Variants in CNTNAP2 observed in about 807,000 individuals in gnomAD.
The protein encoded by CNTNAP2 is contactin-associated protein-like 2.
A neutral mutation model predicts 155.2 loss-of-function variants in CNTNAP2; 98 were observed. The ratio of observed to expected loss-of-function variants is 0.63; its 90% CI spans 0.54 to 0.75. CNTNAP2 has a LOEUF of 0.75. CNTNAP2 is among the 30% of genes least tolerant of loss of function. The pLI is 0.00. For synonymous variants in CNTNAP2, 651 were observed against 631.2 expected, an observed-to-expected ratio of 1.03 and a Z score of -0.47; for missense variants, 1,727 against 1,688.1, an observed-to-expected ratio of 1.02 and a Z score of -0.40.
intron 13 of CNTNAP2, among the ~76,000 whole-genome samples, chr7:147,641,774 A>G (rs1050051649): frequency 2.0e-5 from 3 of 152,040 alleles, no homozygotes; most frequent in African/African-American, 7.2e-5. Context: ...GAGAGCCCTC[A>G]CCAGAAACAG....
rs898168237 is a variant in CNTNAP2, at chr7:146,269,203, G to T, written c.97+152230G>T. ...AAAATACAAAAAATTGGCCAGGCAC[G>T]GTGGCACGCGCCTGTGGTCCCAGGC... On this transcript the variant is annotated intron_variant, in intron 1 of 23. Transcript: ENST00000361727. Among the ~76,000 whole-genome samples, 4 of 152,134 alleles carry T rather than the reference G, an allele frequency of 2.6e-5. No individual in the cohort carries two copies. In the East Asian group the frequency reaches 7.7e-4, roughly 29 times the overall value.
At chr7:147,206,603 C>G (rs1228209671) in intron 8 of CNTNAP2, among the ~76,000 whole-genome samples, 11 of 151,944 alleles carry the variant, frequency 7.2e-5, no homozygotes, top group Non-Finnish European at 4.4e-5. Context: ...TTTTAAACAC[C>G]TACATTACAC....
intron 13 of CNTNAP2, among the ~76,000 whole-genome samples, chr7:147,820,705 G>A (rs2116621161): frequency 6.6e-6 from 1 of 152,122 alleles, no homozygotes; most frequent in African/African-American, 2.4e-5. Flanking sequence ...GTGAGGCAAG[G>A]ATCAATTTAT....
At chr7:147,461,072 C>G (rs1563213106) in intron 10 of CNTNAP2, among the ~76,000 whole-genome samples, 1 of 152,076 alleles carries the variant, frequency 6.6e-6, no homozygotes, top group Non-Finnish European at 1.5e-5. Flanking sequence ...TAAAGACTCT[C>G]AATTGCTTTT....
chr7:147,852,325 G>C (rs193048648), intron 13 of CNTNAP2, among the ~76,000 whole-genome samples: 2 of 152,128 alleles, frequency 1.3e-5, no homozygotes, highest in African/African-American at 4.8e-5. Flanking sequence ...TACAGAGGAG[G>C]TATGAATGAA....
At chr7:147,354,655 T>C (rs1470031614) in intron 9 of CNTNAP2, among the ~76,000 whole-genome samples, 3 of 152,158 alleles carry the variant, frequency 2.0e-5, no homozygotes, top group Non-Finnish European at 4.4e-5. Context: ...TAAAGTAGTT[T>C]TTTCTAATTC....
At chr7:146,625,335 G>T (rs1342444383) in intron 1 of CNTNAP2, among the ~76,000 whole-genome samples, 1 of 149,492 alleles carries the variant, frequency 6.7e-6, no homozygotes, top group African/African-American at 2.5e-5. Context: ...AAAGGACTGG[G>T]GTATTAGAAA....
chr7:146,211,282 A>G (rs770872804), intron 1 of CNTNAP2, among the ~76,000 whole-genome samples: 8 of 152,214 alleles, frequency 5.3e-5, no homozygotes, highest in Non-Finnish European at 1.2e-4. Context: ...TAGGATGATG[A>G]TAATTTTCCT....
chr7:147,456,842 A>G (rs1476617827), intron 10 of CNTNAP2, among the ~76,000 whole-genome samples: 1 of 152,198 alleles, frequency 6.6e-6, no homozygotes, highest in African/African-American at 2.4e-5. Flanking sequence ...GGAATCAAAC[A>G]TTTGTAGAAA....
At chr7:148,319,641 G>A (rs1403620957) in intron 21 of CNTNAP2, among the ~76,000 whole-genome samples, 1 of 151,902 alleles carries the variant, frequency 6.6e-6, no homozygotes, top group Non-Finnish European at 1.5e-5. Flanking sequence ...CAGCTCGGCA[G>A]CAACACTAGA....
intron 1 of CNTNAP2, among the ~76,000 whole-genome samples, chr7:146,521,162 A>G (rs1797611540): frequency 1.3e-5 from 2 of 151,928 alleles, no homozygotes; most frequent in East Asian, 3.9e-4. Context: ...AGCCTTTCCT[A>G]TATAGAACCA....
intron 14 of CNTNAP2, among the ~76,000 whole-genome samples, chr7:147,951,612 A>G (rs1397723428): frequency 1.3e-5 from 2 of 152,204 alleles, no homozygotes; most frequent in African/African-American, 4.8e-5. Flanking sequence ...AGAAAGTGTT[A>G]AATCAAAGAG....
chr7:146,785,302 T>C (rs1339317014), intron 2 of CNTNAP2, among the ~76,000 whole-genome samples: 1 of 152,148 alleles, frequency 6.6e-6, no homozygotes, highest in East Asian at 1.9e-4. Flanking sequence ...ATAGAGAGTC[T>C]TTAGTATTTT....
At chr7:148,350,272 A>T (rs2116597033) in intron 21 of CNTNAP2, among the ~76,000 whole-genome samples, 1 of 152,238 alleles carries the variant, frequency 6.6e-6, no homozygotes, top group East Asian at 1.9e-4. Flanking sequence ...ACTCAAAGGG[A>T]TTAAGGAATT....
chr7:148,311,949 C>T (rs1264621289), intron 21 of CNTNAP2, among the ~76,000 whole-genome samples: 1 of 152,096 alleles, frequency 6.6e-6, no homozygotes, highest in Admixed American at 6.5e-5. Context: ...GGGCCAGGAA[C>T]AATGGTAATT....
intron 17 of CNTNAP2, among the ~76,000 whole-genome samples, chr7:148,163,693 C>T (rs7793819): frequency 0.019 from 2,841 of 152,304 alleles, 88 homozygotes; most frequent in African/African-American, 0.064. Context: ...AGCAATTTTC[C>T]AAACCCCAGT....
intron 19 of CNTNAP2, among the ~76,000 whole-genome samples, chr7:148,229,351 C>T (rs541722629): frequency 4.6e-5 from 7 of 152,166 alleles, no homozygotes; most frequent in African/African-American, 1.7e-4. Context: ...TGGTGAAACC[C>T]CCATCACTAC....
rs562203457 is a variant in CNTNAP2, at chr7:147,315,505, A to G, written c.1498+15215A>G. 7.9e-3 allele frequency among the ~76,000 whole-genome samples: 1,090 copies of G among 138,784 alleles called. 15 individuals carry two copies. The highest frequency in any genetic ancestry group is 0.012 in the Admixed American group (156 of 13,456). 91.0% of individuals were successfully genotyped at this position (138,784 alleles called of 152,430 possible). A position where few individuals can be genotyped will look rare whatever the true frequency, so the allele number is the denominator to read the frequency against. ...TTTTTTTTTTTTTTTTTTTTGAGAC[A>G]GAGTCTTGCTCTGTCCCCCAGGCTG... On this transcript the variant is annotated intron_variant, in intron 9 of 23. Transcript: ENST00000361727.
intron 15 of CNTNAP2, among the ~76,000 whole-genome samples, chr7:147,999,910 C>G (rs1801868270): frequency 6.6e-6 from 1 of 152,166 alleles, no homozygotes; most frequent in African/African-American, 2.4e-5. Context: ...GAAATGAGCC[C>G]TGCCAACTTG....
Sources: gnomAD v4.1 joint callset for allele counts (sites outside exome capture counted in the v4.1 genomes callset) on GRCh38, gnomAD v4.1.1 for gene constraint, MANE v1.5 for transcripts, NCBI Gene and HGNC (gene_info 2026-07-23, HGNC 2026-07-21) for gene names.